FAM193A: variants seen among roughly 807,000 people sequenced by gnomAD.
The protein encoded by FAM193A is family with sequence similarity 193 member A, also known as protein FAM193A.
A neutral mutation model predicts 126.5 loss-of-function variants in FAM193A; 22 were observed. That is an observed-to-expected ratio of 0.17 (90% CI 0.12 to 0.25). The LOEUF is 0.25. Among genes scored for constraint, FAM193A ranks in the 10% least tolerant of loss-of-function variants. The pLI is 1.00. For missense variants in FAM193A, 1,675 were observed against 1,672.8 expected (o/e 1.00, Z -0.02); for synonymous variants, 761 against 646.8 (o/e 1.18, Z -2.68).
chr4:2,584,206 A>C (rs1375189425), intron 1 of FAM193A, among the ~76,000 whole-genome samples: 1 of 152,044 alleles, frequency 6.6e-6, no homozygotes, highest in East Asian at 1.9e-4. Context: ...TTATTGAGAG[A>C]TCTCTCCCTA....
At chr4:2,553,434 G>C (rs1305464400) in intron 1 of FAM193A, among the ~76,000 whole-genome samples, 1 of 143,830 alleles carries the variant, frequency 7.0e-6, no homozygotes, top group Non-Finnish European at 1.5e-5. Context: ...AGGTTAGAGT[G>C]CAGTGGTGCG....
intron 19 of FAM193A, among the ~76,000 whole-genome samples, chr4:2,706,207 A>T (rs1718279317): frequency 6.6e-6 from 1 of 152,132 alleles, no homozygotes; most frequent in Non-Finnish European, 1.5e-5. Flanking sequence ...CCTTGTTTCT[A>T]CAAAAACAAA....
intron 16 of FAM193A, among the ~76,000 whole-genome samples, chr4:2,694,555 C>T (rs1222918648): frequency 1.3e-5 from 2 of 152,184 alleles, no homozygotes; most frequent in Non-Finnish European, 1.5e-5. Context: ...ACGTGAGCCA[C>T]TGCACCTGGC....
chr4:2,716,587 CA>C (rs970261860), intron 20 of FAM193A, among the ~76,000 whole-genome samples: 46 of 152,364 alleles, frequency 3.0e-4, no homozygotes, highest in East Asian at 9.6e-4. Flanking sequence ...TAACATTTTA[CA>C]TACTTGCTGT....
chr4:2,590,906 A>T (rs532356510), intron 1 of FAM193A, among the ~76,000 whole-genome samples: 4 of 152,078 alleles, frequency 2.6e-5, no homozygotes, highest in Admixed American at 6.5e-5. Flanking sequence ...GCGCGCCTGT[A>T]ATCCCAGCTA....
chr4:2,717,087 C>A (rs1353256031), intron 20 of FAM193A, among the ~76,000 whole-genome samples: 1 of 152,162 alleles, frequency 6.6e-6, no homozygotes, highest in Non-Finnish European at 1.5e-5. Context: ...TCAAGCGATT[C>A]TCCTGCCTCA....
At chr4:2,591,481 A>G (rs1438280045) in intron 1 of FAM193A, among the ~76,000 whole-genome samples, 1 of 152,110 alleles carries the variant, frequency 6.6e-6, no homozygotes, top group Non-Finnish European at 1.5e-5. Flanking sequence ...ACAGCCCTGA[A>G]GGCCGGTCGG....
intron 19 of FAM193A, among the ~76,000 whole-genome samples, chr4:2,713,699 C>T (rs1719246113): frequency 1.3e-5 from 2 of 152,182 alleles, no homozygotes; most frequent in Admixed American, 1.3e-4. Flanking sequence ...CTTAGGTACA[C>T]AATTTACTAC....
At position 2,696,443 on chromosome 4, in the gene FAM193A, G is replaced by A. The variant is rs1045307904; in HGVS notation, c.3357G>A (p.Glu1119=). 6 of 1,614,082 alleles carry A rather than the reference G, an allele frequency of 3.7e-6. No homozygotes were observed. Among genetic ancestry groups the A allele is most frequent in the Non-Finnish European group, 5.1e-6 (6 of 1,180,016 alleles). ...TACGGCTGACCAAGAGGAAAGAGGA[G>A]CAACCTAAAAAAATGGACCAGATCT... ...LRLRLTKRKE[E]QPKKMDQISE... The change falls in exon 18 of 21, where the codon GAG becomes GAA. Residue 1119 remains glutamate (E), a synonymous_variant. Coordinates refer to ENST00000637812, the MANE Select transcript of FAM193A (RefSeq NM_001366318.2).
At chr4:2,629,787 T>TA (rs1743358427) in intron 4 of FAM193A, among the ~76,000 whole-genome samples, 1 of 152,224 alleles carries the variant, frequency 6.6e-6, no homozygotes. Flanking sequence ...TGGATTAAAA[T>TA]ACAATTAAAT....
Position 2,699,863 on chromosome 4 carries a change from A to G in FAM193A, c.3691A>G (p.Arg1231Gly), listed in dbSNP as rs917516222. 4.3e-6 allele frequency: 7 copies of G among 1,613,906 alleles called. No homozygotes were observed. Among genetic ancestry groups the G allele is most frequent in the Non-Finnish European group, 5.1e-6 (6 of 1,179,972 alleles). ...AGCTGTAAAAAAGAAGAAGAAGGAGAGGCCAAGTAAAGACTGCCCCAAGTT... is the reference window on the plus strand; with the variant it reads ...AGCTGTAAAAAAGAAGAAGAAGGAGGGGCCAAGTAAAGACTGCCCCAAGTT... ...LRAVKKKKKE[R>G]PSKDCPKLDM... Residue 1231 changes from arginine (R) to glycine (G), a missense_variant, in exon 19 of 21, where the codon AGG (arginine) becomes GGG (glycine). Around this residue, in one of 4 missense-constraint regions of FAM193A, gnomAD observed 415 missense variants for 396.7 expected, o/e 1.05. Coordinates refer to ENST00000637812, the MANE Select transcript of FAM193A (RefSeq NM_001366318.2).
chr4:2,569,658 C>T (rs1356410724), intron 1 of FAM193A, among the ~76,000 whole-genome samples: 3 of 151,926 alleles, frequency 2.0e-5, no homozygotes, highest in Non-Finnish European at 4.4e-5. Flanking sequence ...CCACCACACC[C>T]GGTTAATTTT....
At chr4:2,548,104 C>T (rs548665129) in intron 1 of FAM193A, among the ~76,000 whole-genome samples, 395 of 142,818 alleles carry the variant, frequency 2.8e-3, no homozygotes, top group African/African-American at 9.7e-3. Context: ...CAAAGTCTTG[C>T]TCTTGTCCCC....
At chr4:2,677,290 C>G (rs1011635096) in intron 13 of FAM193A, among the ~76,000 whole-genome samples, 2 of 152,170 alleles carry the variant, frequency 1.3e-5, no homozygotes, top group Non-Finnish European at 2.9e-5. Context: ...GCTTTCTGTT[C>G]TGTTCCATTG....
At chr4:2,722,134 G>C (rs1202553122) in intron 20 of FAM193A, among the ~76,000 whole-genome samples, 1 of 152,184 alleles carries the variant, frequency 6.6e-6, no homozygotes, top group African/African-American at 2.4e-5. Flanking sequence ...ACGGCGCCAC[G>C]GTTAGCAGTG....
chr4:2,632,069 G>T (rs1167320773), intron 5 of FAM193A, among the ~76,000 whole-genome samples: 1 of 152,068 alleles, frequency 6.6e-6, no homozygotes, highest in Non-Finnish European at 1.5e-5. Flanking sequence ...AGTTTGAGGG[G>T]CCACATCTGG....
intron 6 of FAM193A, among the ~76,000 whole-genome samples, chr4:2,641,829 C>T (rs954910950): frequency 4.6e-5 from 7 of 152,204 alleles, no homozygotes; most frequent in Admixed American, 1.3e-4. Context: ...AGAAGCTACA[C>T]GTGCTGGCTC....
At chr4:2,595,297 C>T (rs1258397707) in intron 1 of FAM193A, among the ~76,000 whole-genome samples, 3 of 152,216 alleles carry the variant, frequency 2.0e-5, no homozygotes, top group East Asian at 3.8e-4. Flanking sequence ...GATCATCTCA[C>T]CTCTGCCTCC....
chr4:2,696,788 T>A (rs1057185191), intron 18 of FAM193A, among the ~76,000 whole-genome samples, 195 bp downstream of exon 18: 2 of 152,142 alleles, frequency 1.3e-5, no homozygotes, highest in Admixed American at 6.5e-5. Flanking sequence ...AACTTAACTT[T>A]GTGTTTTCGG....
Sources: allele counts gnomAD v4.1 joint callset (sites outside exome capture counted in the v4.1 genomes callset), GRCh38; gene constraint gnomAD v4.1.1; regional missense constraint gnomAD v4.1.1; transcripts MANE v1.5; gene names NCBI Gene and HGNC (gene_info 2026-07-23, HGNC 2026-07-21).